The following SUPT3H variants were observed in gnomAD, a reference collection of about 807,000 sequenced individuals.
SUPT3H encodes the protein transcription initiation protein SPT3 homolog.
A neutral mutation model predicts 44.3 loss-of-function variants in SUPT3H; 44 were observed. The observed-to-expected ratio is 0.99, with a 90% confidence interval of 0.78 to 1.28. The LOEUF (loss-of-function observed/expected upper bound fraction) is 1.28, where lower values mean the gene tolerates loss of function less well. Among genes scored for constraint, SUPT3H ranks in the 50% most tolerant of loss-of-function variants. The pLI, the probability that SUPT3H is intolerant of heterozygous loss-of-function variation, is 0.00. For synonymous variants in SUPT3H, 124 were observed against 125.6 expected (o/e 0.99, Z 0.09); for missense variants, 380 against 387.1 (o/e 0.98, Z 0.15).
At chr6:44,869,290 T>C (rs1244808107) in intron 10 of SUPT3H, among the ~76,000 whole-genome samples, 1 of 152,142 alleles carries the variant, frequency 6.6e-6, no homozygotes, top group African/African-American at 2.4e-5. Context: ...AAAGCCCTTC[T>C]TTACCAACTG....
At chr6:45,186,314 C>A (rs73735303) in intron 2 of SUPT3H, among the ~76,000 whole-genome samples, 170 of 152,158 alleles carry the variant, frequency 1.1e-3, no homozygotes, top group African/African-American at 3.9e-3. Context: ...AAACAACCAA[C>A]AGATGTCAAA....
In SUPT3H at chr6:44,972,853, T is replaced by C. The variant is rs560124638; in HGVS notation, c.505-11025A>G. ...GCCATGCTGGGACACAGGGCACCAA[T>C]TCCCAAAACTGCACAAAGCAGCAAG... On this transcript the variant is annotated intron_variant, in intron 6 of 10. Coordinates refer to ENST00000371459, the MANE Select transcript of SUPT3H (RefSeq NM_003599.4). Among the ~76,000 whole-genome samples the C allele has an allele frequency of 1.2e-4, 18 of 152,324 alleles. No homozygotes were observed. In the South Asian group the frequency reaches 3.7e-3, roughly 32 times the overall value.
chr6:45,198,683 G>GTAACATGGA (rs1816491933), intron 2 of SUPT3H, among the ~76,000 whole-genome samples: 1 of 150,854 alleles, frequency 6.6e-6, no homozygotes, highest in Non-Finnish European at 1.5e-5. Context: ...TTGATCCAGG[G>GTAACATGGA]TTATTTATAA....
chr6:45,377,586 C>T (rs947302178), intron 1 of SUPT3H, among the ~76,000 whole-genome samples, 182 bp downstream of exon 1: 2 of 152,118 alleles, frequency 1.3e-5, no homozygotes, highest in Admixed American at 6.5e-5. Context: ...CCTCCCACAG[C>T]CGCCCTCCCT....
chr6:45,062,692 G>A (rs1352755099), intron 3 of SUPT3H, among the ~76,000 whole-genome samples: 1 of 152,196 alleles, frequency 6.6e-6, no homozygotes, highest in Non-Finnish European at 1.5e-5. Flanking sequence ...GTCAAAGAAA[G>A]GGGTGACGGA....
chr6:45,315,301 A>T (rs775939292), intron 2 of SUPT3H, among the ~76,000 whole-genome samples: 2 of 152,118 alleles, frequency 1.3e-5, no homozygotes, highest in Non-Finnish European at 2.9e-5. Context: ...CTAATTAAAG[A>T]GCTTTTGCAT....
intron 2 of SUPT3H, among the ~76,000 whole-genome samples, chr6:45,183,655 T>C (rs1484937308): frequency 6.6e-6 from 1 of 152,130 alleles, no homozygotes; most frequent in Non-Finnish European, 1.5e-5. Context: ...AGGCCCCGCC[T>C]CCAACACTGG....
chr6:45,101,279 G>A (rs1419042096), intron 3 of SUPT3H, among the ~76,000 whole-genome samples: 1 of 152,188 alleles, frequency 6.6e-6, no homozygotes, highest in Non-Finnish European at 1.5e-5. Context: ...TACAAAATTA[G>A]CTGGTCATGG....
chr6:45,146,239 C>T (rs539760005), intron 2 of SUPT3H, among the ~76,000 whole-genome samples: 55 of 152,164 alleles, frequency 3.6e-4, no homozygotes, highest in African/African-American at 1.2e-3. Context: ...CAGCACGATT[C>T]GCAACTGCAA....
At position 45,035,795 on chromosome 6, in the gene SUPT3H, A is replaced by T. The variant is rs79498798; in HGVS notation, c.187-15163T>A. On this transcript the variant is annotated intron_variant, in intron 3 of 10. Transcript: ENST00000371459. ...TAATTTGCTTCTCTTAAAACACTTG[A>T]GTCTAGTATATTAGTAATTAACTAA... Among the ~76,000 whole-genome samples the T allele has an allele frequency of 2.8e-3, 421 of 152,230 alleles. 1 individual carries two copies. Among genetic ancestry groups the T allele is most frequent in the Non-Finnish European group, 5.3e-3 (358 of 68,012 alleles).
chr6:44,999,242 T>G (rs371284334), intron 6 of SUPT3H, among the ~76,000 whole-genome samples: 207 of 152,136 alleles, frequency 1.4e-3, no homozygotes, highest in Non-Finnish European at 2.3e-3. Flanking sequence ...AGATTTTGTT[T>G]GATTCTTCAT....
rs561772898 is a variant in SUPT3H at position 44,813,345 on chromosome 6, C to T, written c.*53-3844G>A. ...GGACTACTACAGGCACATGCCACCACGCCCAGTTAATTTTTATTTTTGTAG... is the reference window on the plus strand; with the variant it reads ...GGACTACTACAGGCACATGCCACCATGCCCAGTTAATTTTTATTTTTGTAG... On this transcript the variant is annotated intron_variant and NMD_transcript_variant, in intron 11 of 11. Coordinates refer to the SUPT3H transcript ENST00000475057. Among the ~76,000 whole-genome samples the T allele has an allele frequency of 7.2e-4, 109 of 152,174 alleles. 1 individual carries two copies. Among genetic ancestry groups the T allele is most frequent in the East Asian group, 4.8e-3 (25 of 5,166 alleles).
At chr6:45,295,547 A>ACAC (rs1562898045) in intron 2 of SUPT3H, among the ~76,000 whole-genome samples, 11 of 128,450 alleles carry the variant, frequency 8.6e-5, no homozygotes, top group African/African-American at 3.3e-4. Flanking sequence ...AAAAAAAAAA[A>ACAC]AAAAAAACAG....
At chr6:45,348,077 CT>C (rs1344884341) in intron 2 of SUPT3H, among the ~76,000 whole-genome samples, 1 of 151,952 alleles carries the variant, frequency 6.6e-6, no homozygotes, top group African/African-American at 2.4e-5. Flanking sequence ...AAATGGCCTG[CT>C]TATGTCTAGC....
intron 9 of SUPT3H, among the ~76,000 whole-genome samples, chr6:44,947,457 G>C (rs1240494328): frequency 6.6e-6 from 1 of 152,144 alleles, no homozygotes; most frequent in Non-Finnish European, 1.5e-5. Flanking sequence ...GAAAATCCAT[G>C]TTCATGGATT....
Position 45,283,730 on chromosome 6 carries a change from A to G in SUPT3H, c.101+81471T>C, listed in dbSNP as rs564185487. ...GGAATTGAACTCAGCTTTTCACCAA[A>G]CAGACATAATAGACATCTACAGAAC... is the stretch of plus-strand genomic sequence containing the variant. On this transcript the variant is annotated intron_variant, in intron 2 of 10. Coordinates refer to ENST00000371459, the MANE Select transcript of SUPT3H (RefSeq NM_003599.4). 2.3e-3 allele frequency among the ~76,000 whole-genome samples: 353 copies of G among 151,634 alleles called. 3 individuals are homozygous for G. Among genetic ancestry groups the G allele is most frequent in the Admixed American group, 4.4e-3 (67 of 15,150 alleles).
At chr6:45,287,541 C>A (rs933700466) in intron 2 of SUPT3H, among the ~76,000 whole-genome samples, 1 of 152,018 alleles carries the variant, frequency 6.6e-6, no homozygotes, top group African/African-American at 2.4e-5. Context: ...TAGGAGTGAC[C>A]TCATATAATT....
At chr6:44,997,577 C>T (rs1378747972) in intron 6 of SUPT3H, among the ~76,000 whole-genome samples, 1 of 151,796 alleles carries the variant, frequency 6.6e-6, no homozygotes, top group Non-Finnish European at 1.5e-5. Flanking sequence ...TACATTGATG[C>T]TCAAGGATTA....
intron 3 of SUPT3H, among the ~76,000 whole-genome samples, chr6:45,021,778 T>G (rs1445864388): frequency 1.3e-5 from 2 of 152,016 alleles, no homozygotes; most frequent in Non-Finnish European, 2.9e-5. Flanking sequence ...GCTTCAAACC[T>G]TCTCTAAATA....
Sources: gnomAD v4.1 joint callset for allele counts (sites outside exome capture counted in the v4.1 genomes callset) on GRCh38, gnomAD v4.1.1 for gene constraint, MANE v1.5 for transcripts, NCBI Gene and HGNC (gene_info 2026-07-23, HGNC 2026-07-21) for gene names.